ZNF490: variants seen among roughly 807,000 people sequenced by gnomAD.
ZNF490 encodes the protein zinc finger protein 490.
In ZNF490, 11 loss-of-function variants were observed where a neutral mutation model predicts 17.7. The ratio of observed to expected loss-of-function variants is 0.62; its 90% CI spans 0.39 to 1.03. The LOEUF is 1.03. Ranked by LOEUF, ZNF490 falls within the 50% of genes least tolerant of loss-of-function variation. The pLI is 0.00. For missense variants in ZNF490, 542 were observed against 643.4 expected, an observed-to-expected ratio of 0.84 and a Z score of 1.71; for synonymous variants, 222 against 216.1, an observed-to-expected ratio of 1.03 and a Z score of -0.24.
chr19:12,600,159 G>A (rs967363351), intron 2 of ZNF490, among the ~76,000 whole-genome samples: 2 of 151,986 alleles, frequency 1.3e-5, no homozygotes, highest in African/African-American at 4.8e-5. Context: ...TTAGGAGATC[G>A]AGACCATCCT....
chr19:12,581,668 CT>C lies in ZNF490; in HGVS notation c.406del (p.Ser136AlafsTer18). 1 of 1,614,002 alleles carries C rather than the reference CT, an allele frequency of 6.2e-7. No homozygotes were observed. The highest frequency in any genetic ancestry group is 8.5e-7 in the Non-Finnish European group (1 of 1,179,944). On this transcript the variant is annotated frameshift_variant, in exon 5 of 5. Coordinates refer to ENST00000311437, the MANE Select transcript of ZNF490 (RefSeq NM_020714.3). LOFTEE classifies it low-confidence loss of function (END_TRUNC). ...ENKEDCPCGK[S>X]TSQIPDLNTN... ...ATTAAGATCAGGAATCTGGCTAGTG[CT>C]TTTTCCACATGGACAATCTTCTTTA...
At chr19:12,582,970 A>C (rs1599305663) in intron 3 of ZNF490, 60 bp from the exon 4 acceptor site, 1 of 1,362,738 alleles carries the variant, frequency 7.3e-7, no homozygotes. Flanking sequence ...AAATTATAAC[A>C]CTCTAAGATC....
intron 2 of ZNF490, among the ~76,000 whole-genome samples, chr19:12,587,796 A>T (rs1291243831): frequency 1.1e-5 from 1 of 92,444 alleles, no homozygotes; most frequent in African/African-American, 3.2e-5. Context: ...CCCGGGTTCA[A>T]GCGATTCTCC....
At chr19:12,582,398 G>T (rs2022748782) in intron 4 of ZNF490, among the ~76,000 whole-genome samples, 1 of 151,674 alleles carries the variant, frequency 6.6e-6, no homozygotes, top group Non-Finnish European at 1.5e-5. Flanking sequence ...GCCAATGACA[G>T]TTTCTGTTGT....
chr19:12,576,189 C>T lies in ZNF490; in HGVS notation c.*4296G>A, dbSNP rs943053170. ...GCTCCATTCAGTGTTAAGGGGGGTG[C>T]TCCCAGGGAAATCAGGCAAGAAAAT... On this transcript the variant is annotated 3_prime_UTR_variant, in exon 5 of 5. Transcript: ENST00000311437. Among the ~76,000 whole-genome samples, 1 of 152,076 alleles carries T rather than the reference C, an allele frequency of 6.6e-6. No individual in the cohort carries two copies.
At position 12,580,799 on chromosome 19, in the gene ZNF490, C is replaced by T. The variant is rs141732776; in HGVS notation, c.1276G>A (p.Ala426Thr). ...KTYECKECGK[A>T]FLYSTHFRIH... is the part of the protein sequence containing the mutation. ...CGAAAGTGAGTGGAATAAAGAAAGG[C>T]TTTACCACATTCTTTACATTCGTAA... The change falls in exon 5 of 5, where the codon GCC (alanine) becomes ACC (threonine). Residue 426 changes from alanine (A) to threonine (T), a missense_variant. Coordinates refer to ENST00000311437, the MANE Select transcript of ZNF490 (RefSeq NM_020714.3). 7.2e-5 allele frequency: 117 copies of T among 1,614,138 alleles called. No homozygotes were observed. The highest frequency in any genetic ancestry group is 2.2e-4 in the East Asian group (10 of 44,878).
rs770906092 is a variant in ZNF490 at position 12,581,258 on chromosome 19, T to C, written c.817A>G (p.Thr273Ala). The change falls in exon 5 of 5, where the codon ACT becomes GCT. Residue 273 changes from threonine (T) to alanine (A), a missense_variant. Physicochemically the swap from Thr to Ala is moderately conservative, Grantham distance 58 (BLOSUM62 0). Coordinates refer to ENST00000311437, the MANE Select transcript of ZNF490 (RefSeq NM_020714.3). The stretch of plus-strand genomic sequence containing the variant: ...TTACATTTGTAGGGTTTCTCTCCAG[T>C]GTGATTTTTTTCATGGCGCCGAAGA... ...TALRRHEKNH[T>A]GEKPYKCKQC... 8.7e-6 allele frequency: 14 copies of C among 1,614,172 alleles called. 1 individual carries two copies. The South Asian group carries it at 1.5e-4, about 18-fold the overall frequency.
At chr19:12,588,014 C>T (rs2022821421) in intron 2 of ZNF490, among the ~76,000 whole-genome samples, 1 of 94,764 alleles carries the variant, frequency 1.1e-5, no homozygotes, top group Admixed American at 9.9e-5. Context: ...GAATTGCAGG[C>T]ACCTGCCACC....
chr19:12,580,296 GGA>G lies in ZNF490; in HGVS notation c.*187_*188del. 7.2e-7 allele frequency: 1 copy of G among 1,391,298 alleles called. No homozygotes were observed. The highest frequency in any genetic ancestry group is 9.3e-7 in the Non-Finnish European group (1 of 1,076,264). 86.2% of individuals were successfully genotyped at this position (1,391,298 alleles called of 1,614,324 possible). On this transcript the variant is annotated 3_prime_UTR_variant, in exon 5 of 5. Transcript: ENST00000311437. ...CCATTCACATATCTGCAATCCCGCA[GGA>G]GAGTGCAAGTTCCTCCCCCATTTGT...
chr19:12,583,332 C>T (rs758324469), intron 3 of ZNF490, 98 bp downstream of exon 3: 3 of 1,409,166 alleles, frequency 2.1e-6, no homozygotes, highest in Non-Finnish European at 2.8e-6. Context: ...AGCCACCGTG[C>T]CTGGCCCCTT....
At chr19:12,593,450 A>G (rs1159476447) in intron 2 of ZNF490, among the ~76,000 whole-genome samples, 5 of 151,864 alleles carry the variant, frequency 3.3e-5, no homozygotes, top group Non-Finnish European at 1.5e-5. Context: ...GGGTTTCTCC[A>G]TGTTGGCCAG....
rs2022630896 is a variant in ZNF490 at position 12,576,154 on chromosome 19, G to A, written c.*4331C>T. On this transcript the variant is annotated 3_prime_UTR_variant, in exon 5 of 5. Transcript: ENST00000311437. ...TCTAATATCAGAAACAAGGATATTT[G>A]CTCTCACCAGCTCCATTCAGTGTTA... Among the ~76,000 whole-genome samples, 1 of 152,094 alleles carries A rather than the reference G, an allele frequency of 6.6e-6. No homozygotes were observed. Among genetic ancestry groups the A allele is most frequent in the African/African-American group, 2.4e-5 (1 of 41,406 alleles).
Position 12,582,903 on chromosome 19 carries a change from T to G in ZNF490, c.297A>C (p.Lys99Asn). ...TFKNLACIGE[K>N]WKDQDIEDEH... ...CATCTTCAATATCCTGGTCTTTCCA[T>G]TTTTCCCCTAAAATACAAGCCCAGA... Residue 99 changes from lysine (K) to asparagine (N), a missense_variant, in exon 4 of 5, where the codon AAA (lysine) becomes AAC (asparagine). Coordinates refer to ENST00000311437, the MANE Select transcript of ZNF490 (RefSeq NM_020714.3). 1 of 1,610,492 alleles carries G rather than the reference T, an allele frequency of 6.2e-7. No individual in the cohort carries two copies.
At chr19:12,598,912 G>C (rs1214515990) in intron 2 of ZNF490, among the ~76,000 whole-genome samples, 1 of 151,566 alleles carries the variant, frequency 6.6e-6, no homozygotes, top group African/African-American at 2.4e-5. Context: ...GCTTGAACCT[G>C]GGAGGCAGAG....
chr19:12,594,778 G>C (rs557589291), intron 2 of ZNF490, among the ~76,000 whole-genome samples: 132 of 152,318 alleles, frequency 8.7e-4, no homozygotes, highest in African/African-American at 3.0e-3. Flanking sequence ...GACAGAGTGA[G>C]AGTCTGTCTC....
intron 2 of ZNF490, among the ~76,000 whole-genome samples, chr19:12,599,958 C>G (rs904176169): frequency 1.3e-5 from 2 of 152,094 alleles, no homozygotes. Context: ...GAACACTAAC[C>G]TGCTCTTTAA....
chr19:12,591,847 C>G (rs997341747), intron 2 of ZNF490, among the ~76,000 whole-genome samples: 2 of 146,522 alleles, frequency 1.4e-5, no homozygotes, highest in African/African-American at 5.0e-5. Context: ...AAAAAAAAAA[C>G]ACACTCTTAA....
intron 2 of ZNF490, among the ~76,000 whole-genome samples, chr19:12,602,876 T>C (rs1437584688): frequency 2.6e-5 from 4 of 152,036 alleles, no homozygotes; most frequent in Non-Finnish European, 4.4e-5. Flanking sequence ...TCCACCTGCC[T>C]CAGCCTCCCA....
chr19:12,580,775 G>C lies in ZNF490; in HGVS notation c.1300C>G (p.Arg434Gly), dbSNP rs1308333348. The C allele has an allele frequency of 6.2e-7, 1 of 1,614,106 alleles. No homozygotes were observed. Among genetic ancestry groups the C allele is most frequent in the Non-Finnish European group, 8.5e-7 (1 of 1,180,024 alleles). ...CTAGTATGGGTTCTTTCATGGATTC[G>C]AAAGTGAGTGGAATAAAGAAAGGCT... ...GKAFLYSTHFRIHERTHTREK... is the reference protein window; with the variant it reads ...GKAFLYSTHFGIHERTHTREK... Residue 434 changes from arginine (R) to glycine (G), a missense_variant, in exon 5 of 5, where the codon CGA becomes GGA. Coordinates refer to ENST00000311437, the MANE Select transcript of ZNF490 (RefSeq NM_020714.3).
Sources: allele counts gnomAD v4.1 joint callset (sites outside exome capture counted in the v4.1 genomes callset), GRCh38; gene constraint gnomAD v4.1.1; transcripts MANE v1.5; gene names NCBI Gene and HGNC (gene_info 2026-07-23, HGNC 2026-07-21).